The following SNX30 variants were observed in gnomAD, a reference collection of about 807,000 sequenced individuals.
The protein encoded by SNX30 is sorting nexin-30.
Under a neutral mutation model 46.4 loss-of-function variants are expected in SNX30, and 24 were observed. The observed-to-expected ratio is 0.52, with a 90% confidence interval of 0.37 to 0.73. The LOEUF is 0.73. Ranked by LOEUF, SNX30 falls within the 30% of genes least tolerant of loss-of-function variation. The probability of loss-of-function intolerance (pLI) is 0.00; values close to 1 mark genes in which losing one functional copy is unlikely to be tolerated. For missense variants in SNX30, 533 were observed against 555.7 expected (o/e 0.96, Z 0.41); for synonymous variants, 189 against 211.5 (o/e 0.89, Z 0.92).
At chr9:112,766,465 T>C (rs1257117068) in intron 1 of SNX30, among the ~76,000 whole-genome samples, 1 of 152,204 alleles carries the variant, frequency 6.6e-6, no homozygotes, top group African/African-American at 2.4e-5. Flanking sequence ...TACGATGGCG[T>C]TAAGTACCCT....
chr9:112,817,945 A>G, intron 3 of SNX30, 130 bp downstream of exon 3: 1 of 660,794 alleles, frequency 1.5e-6, no homozygotes, highest in Non-Finnish European at 2.8e-6. Flanking sequence ...ATGTTAACGG[A>G]CACTGTATAC....
intron 2 of SNX30, among the ~76,000 whole-genome samples, chr9:112,806,496 G>A (rs963503066): frequency 3.3e-5 from 5 of 151,860 alleles, no homozygotes; most frequent in Admixed American, 6.6e-5. Context: ...CGTGTCCCTC[G>A]TCTTTTACTG....
chr9:112,834,871 CA>C (rs1564285820), intron 4 of SNX30, among the ~76,000 whole-genome samples: 960 of 91,890 alleles, frequency 0.01, 18 homozygotes, highest in African/African-American at 0.025. Context: ...CACACACACA[CA>C]CACACACACA....
downstream of SNX30, chr9:112,879,925 AATC>A (rs1394895375): frequency 9.8e-7 from 1 of 1,025,516 alleles, no homozygotes; most frequent in Non-Finnish European, 1.5e-6. Context: ...CTTTAGGCAA[AATC>A]ATAGGTAGGC....
intron 1 of SNX30, among the ~76,000 whole-genome samples, chr9:112,792,902 T>TTTTATGTG (rs1840050187): frequency 6.6e-6 from 1 of 151,900 alleles, no homozygotes. Flanking sequence ...TCTTTTTCTT[T>TTTTATGTG]TAATGGGAAC....
chr9:112,847,446 CTTTT>C (rs34501288), intron 6 of SNX30, among the ~76,000 whole-genome samples: 1 of 146,312 alleles, frequency 6.8e-6, no homozygotes, highest in Non-Finnish European at 1.5e-5. Flanking sequence ...TACAAGCATT[CTTTT>C]TTTTTTTTTT....
chr9:112,857,936 C>T (rs905192316), intron 7 of SNX30, among the ~76,000 whole-genome samples: 3 of 152,192 alleles, frequency 2.0e-5, no homozygotes, highest in African/African-American at 7.2e-5. Context: ...CCCCAGCACA[C>T]AGAAATGCAC....
intron 1 of SNX30, among the ~76,000 whole-genome samples, chr9:112,760,513 C>T (rs1839418390): frequency 1.3e-5 from 2 of 152,214 alleles, no homozygotes; most frequent in South Asian, 4.1e-4. Context: ...GAATGTCTTG[C>T]CTTTCTACTA....
chr9:112,856,556 C>T (rs1171468416), intron 7 of SNX30, among the ~76,000 whole-genome samples: 1 of 151,836 alleles, frequency 6.6e-6, no homozygotes, highest in Non-Finnish European at 1.5e-5. Context: ...GCTGTTCCCC[C>T]TCTGGTTGAG....
intron 1 of SNX30, among the ~76,000 whole-genome samples, chr9:112,769,054 T>C (rs186106236): frequency 6.6e-6 from 1 of 152,304 alleles, no homozygotes; most frequent in Admixed American, 6.5e-5. Flanking sequence ...GCTTTTCTCA[T>C]TCAGCCTTGC....
intron 4 of SNX30, among the ~76,000 whole-genome samples, 162 bp from the exon 5 acceptor site, chr9:112,836,052 C>T (rs576414585): frequency 6.6e-6 from 1 of 152,312 alleles, no homozygotes; most frequent in African/African-American, 2.4e-5. Context: ...TTATGACGTC[C>T]AGGCCAGGTT....
At chr9:112,839,368 AC>A (rs1840819323) in intron 6 of SNX30, among the ~76,000 whole-genome samples, 1 of 152,266 alleles carries the variant, frequency 6.6e-6, no homozygotes, top group Non-Finnish European at 1.5e-5. Flanking sequence ...CAAAAGTGAT[AC>A]GAATTTGAAA....
At chr9:112,793,980 C>T (rs575287701) in intron 1 of SNX30, among the ~76,000 whole-genome samples, 1 of 151,408 alleles carries the variant, frequency 6.6e-6, no homozygotes, top group African/African-American at 2.4e-5. Flanking sequence ...GGTTATTGAG[C>T]CTTTGGGATT....
At chr9:112,860,889 T>C (rs1760299396) in intron 7 of SNX30, among the ~76,000 whole-genome samples, 1 of 152,236 alleles carries the variant, frequency 6.6e-6, no homozygotes, top group African/African-American at 2.4e-5. Flanking sequence ...CAAATGTTTA[T>C]TGAGCACTTA....
intron 1 of SNX30, among the ~76,000 whole-genome samples, chr9:112,778,275 T>C (rs1839781127): frequency 6.7e-6 from 1 of 148,876 alleles, no homozygotes; most frequent in African/African-American, 2.5e-5. Context: ...TATTCCTTTT[T>C]TTTTTTTTTT....
intron 1 of SNX30, among the ~76,000 whole-genome samples, chr9:112,756,804 A>C (rs1443994328): frequency 6.6e-6 from 1 of 151,902 alleles, no homozygotes; most frequent in Non-Finnish European, 1.5e-5. Flanking sequence ...CCACGGCCGC[A>C]CCCTGCGTTG....
chr9:112,813,965 T>C (rs2131416011), intron 2 of SNX30, among the ~76,000 whole-genome samples: 1 of 152,300 alleles, frequency 6.6e-6, no homozygotes, highest in East Asian at 1.9e-4. Context: ...TAGACATTAT[T>C]TTCCAATGGT....
intron 1 of SNX30, among the ~76,000 whole-genome samples, chr9:112,780,089 T>C (rs787299): frequency 0.94 from 142,733 of 152,294 alleles, 66,968 homozygotes; most frequent in East Asian, 1. Context: ...CTTCTACCTT[T>C]TGGAGGAGGC....
intron 2 of SNX30, among the ~76,000 whole-genome samples, chr9:112,816,440 C>T (rs928147549): frequency 6.6e-6 from 1 of 152,218 alleles, no homozygotes; most frequent in African/African-American, 2.4e-5. Flanking sequence ...CAAATACCTA[C>T]ATTGAGTGAA....
Sources: allele counts gnomAD v4.1 joint callset (sites outside exome capture counted in the v4.1 genomes callset), GRCh38; gene constraint gnomAD v4.1.1; transcripts MANE v1.5; gene names NCBI Gene and HGNC (gene_info 2026-07-23, HGNC 2026-07-21).